The following CCDC171 variants were observed in gnomAD, a reference collection of about 807,000 sequenced individuals.
The protein encoded by CCDC171 is coiled-coil domain-containing protein 171.
In CCDC171, 177 loss-of-function variants were observed where a neutral mutation model predicts 168.2. The observed-to-expected ratio is 1.05, with a 90% confidence interval of 0.93 to 1.19. The LOEUF (loss-of-function observed/expected upper bound fraction) is 1.19. CCDC171 is among the 50% of genes most tolerant of loss of function. CCDC171 has a pLI of 0.00. For synonymous variants in CCDC171, 687 were observed against 540.8 expected (o/e 1.27, Z -3.75); for missense variants, 1,991 against 1,539.0 (o/e 1.29, Z -4.91).
intron 3 of CCDC171, among the ~76,000 whole-genome samples, chr9:15,576,157 GTGTA>G (rs1207500349): frequency 6.6e-6 from 1 of 151,138 alleles, no homozygotes; most frequent in Admixed American, 6.6e-5. Context: ...GTGTGTGTGT[GTGTA>G]TATACATGTA....
chr9:16,007,414 T>C (rs1341708018), intron 3 of CCDC171, among the ~76,000 whole-genome samples: 2 of 152,366 alleles, frequency 1.3e-5, no homozygotes, highest in Admixed American at 1.3e-4. Context: ...TTTCTTTTGC[T>C]GTGCAGAAGC....
chr9:15,615,178 CTT>C (rs1477044538), intron 6 of CCDC171, among the ~76,000 whole-genome samples: 11 of 151,940 alleles, frequency 7.2e-5, no homozygotes, highest in African/African-American at 2.2e-4. Flanking sequence ...ATATAAAAGA[CTT>C]TATACAATTA....
the CCDC171 span, among the ~76,000 whole-genome samples, chr9:16,098,412 G>T: frequency 6.6e-6 from 1 of 152,186 alleles, no homozygotes; most frequent in Admixed American, 6.5e-5. Flanking sequence ...ATGTGAATAA[G>T]AGCTGCTATT....
rs35132712 is a variant in CCDC171 at position 15,918,428 on chromosome 9, G to GAA, written c.3601-1829_3601-1828dup. Among the ~76,000 whole-genome samples, 503 of 131,902 alleles carry GAA rather than the reference G, an allele frequency of 3.8e-3. 2 individuals are homozygous for GAA. Among genetic ancestry groups the GAA allele is most frequent in the Non-Finnish European group, 5.8e-3 (357 of 61,698 alleles). The allele number at this position is 131,902 out of a possible 152,430, so 86.5% of individuals were successfully genotyped here. On this transcript the variant is annotated intron_variant, in intron 24 of 25. Coordinates refer to ENST00000380701, the MANE Select transcript of CCDC171 (RefSeq NM_173550.4). ...TAGAGTTGAATCAAAGTAAGACTCA[G>GAA]AAAAAAAAAAAAAACCAGGACTTGT...
chr9:15,909,979 A>G lies in CCDC171; in HGVS notation c.3601-10291A>G, dbSNP rs542889997. On this transcript the variant is annotated intron_variant, in intron 24 of 25. Coordinates refer to ENST00000380701, the MANE Select transcript of CCDC171 (RefSeq NM_173550.4). Reference sequence around the variant, plus strand: ...ACCCTCTCACCTTTTGTAATCTCCAATATCTGTTATTCCACTCTGTACTTC... The same window carrying G: ...ACCCTCTCACCTTTTGTAATCTCCAGTATCTGTTATTCCACTCTGTACTTC... Among the ~76,000 whole-genome samples the G allele has an allele frequency of 4.6e-5, 7 of 152,242 alleles. 1 individual carries two copies. The highest frequency in any genetic ancestry group is 9.6e-5 in the African/African-American group (4 of 41,546).
chr9:15,950,805 T>C (rs1256551752), intron 25 of CCDC171, among the ~76,000 whole-genome samples: 1 of 151,228 alleles, frequency 6.6e-6, no homozygotes, highest in Non-Finnish European at 1.5e-5. Flanking sequence ...GACCAAATGC[T>C]CCAATTAAAA....
chr9:16,070,912 A>G, the CCDC171 span, among the ~76,000 whole-genome samples: 2 of 151,962 alleles, frequency 1.3e-5, no homozygotes, highest in African/African-American at 4.8e-5. Context: ...TGGATGGGGG[A>G]TTTTTGGCTT....
intron 19 of CCDC171, 42 bp from the exon 20 acceptor site, chr9:15,778,926 T>C: frequency 2.2e-6 from 3 of 1,339,996 alleles, no homozygotes; most frequent in Non-Finnish European, 3.0e-6. Flanking sequence ...TGTTAGTAAA[T>C]CTGTAGTTAC....
chr9:15,603,111 G>C (rs199995470), intron 6 of CCDC171, among the ~76,000 whole-genome samples: 1 of 151,954 alleles, frequency 6.6e-6, no homozygotes, highest in African/African-American at 2.4e-5. Context: ...CCTCCCGAGT[G>C]GCTGGGCCTA....
chr9:15,660,343 C>CG (rs1564157851), intron 8 of CCDC171, among the ~76,000 whole-genome samples: 1 of 151,790 alleles, frequency 6.6e-6, no homozygotes, highest in African/African-American at 2.4e-5. Context: ...ATTTAGATTC[C>CG]GGGGGTACAT....
intron 18 of CCDC171, among the ~76,000 whole-genome samples, chr9:15,750,542 G>A (rs1244296871): frequency 6.6e-6 from 1 of 152,104 alleles, no homozygotes; most frequent in South Asian, 2.1e-4. Context: ...AATATCCCTG[G>A]TGAACATTGA....
At chr9:16,001,461 G>T (rs1365252093) in intron 3 of CCDC171, among the ~76,000 whole-genome samples, 2 of 151,932 alleles carry the variant, frequency 1.3e-5, no homozygotes, top group African/African-American at 2.4e-5. Flanking sequence ...TTACGGTAGG[G>T]TGTGTGTGTG....
intron 1 of CCDC171, among the ~76,000 whole-genome samples, chr9:16,052,664 C>T (rs904263612): frequency 7.2e-5 from 11 of 152,142 alleles, no homozygotes; most frequent in African/African-American, 1.7e-4. Flanking sequence ...GGGCCCGGGG[C>T]CTTTTGTAGA....
chr9:15,582,206 T>C (rs1417465342), intron 4 of CCDC171, among the ~76,000 whole-genome samples: 1 of 152,160 alleles, frequency 6.6e-6, no homozygotes, highest in Non-Finnish European at 1.5e-5. Flanking sequence ...ATTAGAGAAA[T>C]GCAAATCAAA....
At chr9:15,618,191 C>T (rs749356954) in intron 6 of CCDC171, among the ~76,000 whole-genome samples, 4 of 152,204 alleles carry the variant, frequency 2.6e-5, no homozygotes, top group Admixed American at 6.5e-5. Context: ...CCTGACTGAA[C>T]TGCTGCATAT....
At chr9:15,919,331 A>T (rs1824987283) in intron 24 of CCDC171, among the ~76,000 whole-genome samples, 1 of 151,670 alleles carries the variant, frequency 6.6e-6, no homozygotes, top group Non-Finnish European at 1.5e-5. Flanking sequence ...TTTCACATGC[A>T]TTCACAACTG....
chr9:15,675,673 T>G (rs1296796697), intron 9 of CCDC171, among the ~76,000 whole-genome samples: 1 of 152,230 alleles, frequency 6.6e-6, no homozygotes, highest in Non-Finnish European at 1.5e-5. Flanking sequence ...TTGAAAATTC[T>G]TTTCTTTAAG....
At chr9:15,924,949 G>A (rs1019796300) in intron 25 of CCDC171, among the ~76,000 whole-genome samples, 1 of 151,156 alleles carries the variant, frequency 6.6e-6, no homozygotes, top group African/African-American at 2.4e-5. Flanking sequence ...TGACTCCCAG[G>A]CCTCTGCTTA....
chr9:15,665,081 T>C (rs1484123852), intron 8 of CCDC171, among the ~76,000 whole-genome samples: 1 of 152,180 alleles, frequency 6.6e-6, no homozygotes, highest in Non-Finnish European at 1.5e-5. Context: ...AATGGTGTTT[T>C]ATCTCTTACC....
Sources: allele counts gnomAD v4.1 joint callset (sites outside exome capture counted in the v4.1 genomes callset), GRCh38; gene constraint gnomAD v4.1.1; transcripts MANE v1.5; gene names NCBI Gene and HGNC (gene_info 2026-07-23, HGNC 2026-07-21).